Variants in CES5A observed in about 807,000 individuals in gnomAD.
CES5A encodes carboxylesterase 5.
Under a neutral mutation model 62.9 loss-of-function variants are expected in CES5A, and 67 were observed. The observed-to-expected ratio is 1.07, with a 90% CI of 0.88 to 1.31. The LOEUF (loss-of-function observed/expected upper bound fraction) is 1.31, where lower values mean the gene tolerates loss of function less well. Ranked by LOEUF, CES5A falls within the 50% of genes most tolerant of loss-of-function variation. CES5A has a pLI of 0.00. For synonymous variants in CES5A, 296 were observed against 280.8 expected (o/e 1.05, Z -0.54); for missense variants, 748 against 708.5 (o/e 1.06, Z -0.63).
At chr16:55,902,379 T>G (rs755227067) in intron 1 of CES5A, among the ~76,000 whole-genome samples, 2 of 152,088 alleles carry the variant, frequency 1.3e-5, no homozygotes, top group Non-Finnish European at 2.9e-5. Flanking sequence ...TTATTACTCA[T>G]CCCCACAAGT....
upstream of CES5A, among the ~76,000 whole-genome samples, chr16:55,877,756 GT>G (rs368425339): frequency 1.6e-4 from 24 of 152,226 alleles, no homozygotes; most frequent in African/African-American, 3.9e-4. Flanking sequence ...CTAATTTAAT[GT>G]GATTAGTCTC....
At chr16:55,861,622 T>C in intron 6 of CES5A, 106 bp from the exon 7 acceptor site, 2 of 769,672 alleles carry the variant, frequency 2.6e-6, no homozygotes, top group East Asian at 2.6e-5. Context: ...CCTCCATATA[T>C]GAGTCCATCC....
At position 55,863,729 on chromosome 16, in the gene CES5A, G is replaced by T. The variant is rs147867270; in HGVS notation, c.706-277C>A. 5.5e-3 allele frequency among the ~76,000 whole-genome samples: 839 copies of T among 151,352 alleles called. 3 individuals carry two copies. The highest frequency in any genetic ancestry group is 0.019 in the African/African-American group (797 of 41,254). On this transcript the variant is annotated intron_variant, in intron 5 of 12. Coordinates refer to ENST00000290567, the MANE Select transcript of CES5A (RefSeq NM_001143685.2). ...TTTCTACCTAGGTAACCTCGGACAA[G>T]TTGCTTAATATTTTTTTATTTCTTT...
At chr16:55,881,640 G>T (rs752422377) in intron 1 of CES5A, among the ~76,000 whole-genome samples, 4 of 152,160 alleles carry the variant, frequency 2.6e-5, no homozygotes, top group Non-Finnish European at 5.9e-5. Context: ...AGATGAGAAG[G>T]TTCAGGGATG....
At chr16:55,919,514 C>G (rs560533331) in intron 1 of CES5A, among the ~76,000 whole-genome samples, 3 of 152,158 alleles carry the variant, frequency 2.0e-5, no homozygotes, top group African/African-American at 7.2e-5. Context: ...TTTGCTCCTA[C>G]GACTCTCAGC....
intron 10 of CES5A, among the ~76,000 whole-genome samples, chr16:55,851,530 C>A (rs148026671): frequency 2.5e-3 from 384 of 152,306 alleles, no homozygotes; most frequent in South Asian, 0.023. Context: ...AGAAATTGCA[C>A]CCCTTGTGCA....
chr16:55,951,628 A>T (rs932222142), intron 1 of CES5A, among the ~76,000 whole-genome samples: 5 of 152,312 alleles, frequency 3.3e-5, no homozygotes, highest in African/African-American at 1.2e-4. Flanking sequence ...GAATTCTAAG[A>T]AAAAGAAAGC....
intron 1 of CES5A, among the ~76,000 whole-genome samples, chr16:55,950,960 G>A (rs2034549759): frequency 6.6e-6 from 1 of 151,878 alleles, no homozygotes; most frequent in Admixed American, 6.6e-5. Flanking sequence ...AAATTAGCCA[G>A]GCGTGGTGGT....
intron 2 of CES5A, among the ~76,000 whole-genome samples, chr16:55,939,385 A>G (rs1267640637): frequency 1.3e-5 from 2 of 152,114 alleles, no homozygotes; most frequent in Admixed American, 1.3e-4. Flanking sequence ...CAACTTTAAA[A>G]CCTGGACTAA....
At chr16:55,915,151 C>A (rs1358150811) in intron 1 of CES5A, among the ~76,000 whole-genome samples, 1 of 152,182 alleles carries the variant, frequency 6.6e-6, no homozygotes, top group Non-Finnish European at 1.5e-5. Context: ...CCCCCACCCC[C>A]AAACACACAC....
At chr16:55,951,974 TAAG>T (rs1429033740) in intron 1 of CES5A, among the ~76,000 whole-genome samples, 4 of 152,078 alleles carry the variant, frequency 2.6e-5, no homozygotes, top group Non-Finnish European at 5.9e-5. Context: ...ACATAGATGT[TAAG>T]AAGAGGAGAC....
chr16:55,847,914 T>C (rs1377465136), intron 11 of CES5A, among the ~76,000 whole-genome samples: 1 of 152,114 alleles, frequency 6.6e-6, no homozygotes, highest in Non-Finnish European at 1.5e-5. Context: ...TAATCTATGT[T>C]ATTTATTTTT....
chr16:55,941,639 A>T (rs1458183222), intron 2 of CES5A, among the ~76,000 whole-genome samples: 1 of 152,078 alleles, frequency 6.6e-6, no homozygotes, highest in Non-Finnish European at 1.5e-5. Flanking sequence ...ATGGACATGG[A>T]AAAGAACTAG....
upstream of CES5A, chr16:55,925,590 T>C (rs2034250800): frequency 6.6e-6 from 1 of 152,056 alleles, no homozygotes. Flanking sequence ...CTACTCACAA[T>C]AGTCAAAATA....
At chr16:55,856,552 G>A in intron 8 of CES5A, 107 bp from the exon 9 acceptor site, 2 of 932,638 alleles carry the variant, frequency 2.1e-6, no homozygotes, top group East Asian at 2.4e-5. Context: ...TGGATAAGGA[G>A]CCCTCAAGCC....
At chr16:55,853,799 A>C (rs1195728160) in intron 9 of CES5A, among the ~76,000 whole-genome samples, 1 of 152,196 alleles carries the variant, frequency 6.6e-6, no homozygotes, top group Admixed American at 6.5e-5. Context: ...CAGAGAGTGC[A>C]TGGTAAATTC....
At chr16:55,872,433 A>T (rs188940092) in intron 2 of CES5A, among the ~76,000 whole-genome samples, 154 of 152,230 alleles carry the variant, frequency 1.0e-3, no homozygotes, top group East Asian at 1.4e-3. Flanking sequence ...TCTTTTCCAG[A>T]ACTTGTCCTG....
intron 2 of CES5A, among the ~76,000 whole-genome samples, chr16:55,948,121 A>G (rs2042520641): frequency 6.6e-6 from 1 of 152,170 alleles, no homozygotes; most frequent in Non-Finnish European, 1.5e-5. Context: ...TTAGAGGTTG[A>G]TTTTGCCCAG....
chr16:55,934,462 C>T (rs770194962), intron 2 of CES5A, among the ~76,000 whole-genome samples: 3 of 152,240 alleles, frequency 2.0e-5, no homozygotes, highest in Middle Eastern at 3.4e-3. Flanking sequence ...TATTGATCCA[C>T]GGACTGGACT....
Sources: gnomAD v4.1 joint callset for allele counts (sites outside exome capture counted in the v4.1 genomes callset) on GRCh38, gnomAD v4.1.1 for gene constraint, MANE v1.5 for transcripts, NCBI Gene and HGNC (gene_info 2026-07-23, HGNC 2026-07-21) for gene names.